The following TBC1D19 variants were observed in gnomAD, a reference collection of about 807,000 sequenced individuals.
TBC1D19 encodes TBC1 domain family member 19.
In TBC1D19, 60 loss-of-function variants were observed where a neutral mutation model predicts 89.0. That is an observed-to-expected ratio of 0.67 (90% CI 0.55 to 0.84). The LOEUF (loss-of-function observed/expected upper bound fraction) is 0.84. Among genes scored for constraint, TBC1D19 ranks in the 40% least tolerant of loss-of-function variants. The pLI, the probability that TBC1D19 is intolerant of heterozygous loss-of-function variation, is 0.00. For synonymous variants in TBC1D19, 189 were observed against 199.7 expected (o/e 0.95, Z 0.45); for missense variants, 500 against 610.8 (o/e 0.82, Z 1.91).
chr4:26,628,915 A>G (rs10026536), intron 4 of TBC1D19, among the ~76,000 whole-genome samples: 2 of 151,896 alleles, frequency 1.3e-5, no homozygotes, highest in Non-Finnish European at 2.9e-5. Flanking sequence ...AATCAATATC[A>G]TGAAAATGGC....
the TBC1D19 span, among the ~76,000 whole-genome samples, chr4:26,782,672 C>T: frequency 3.9e-5 from 6 of 151,936 alleles, no homozygotes; most frequent in African/African-American, 1.5e-4. Context: ...GCCAGTGTTT[C>T]TAGTGACTAA....
At chr4:26,617,572 T>C (rs1741773645) in intron 3 of TBC1D19, among the ~76,000 whole-genome samples, 1 of 152,232 alleles carries the variant, frequency 6.6e-6, no homozygotes, top group African/African-American at 2.4e-5. Context: ...TGACATTGAG[T>C]CAGCAAATAG....
chr4:26,765,448 TA>T, the TBC1D19 span, among the ~76,000 whole-genome samples: 2 of 92,186 alleles, frequency 2.2e-5, no homozygotes, highest in Non-Finnish European at 2.1e-5. Flanking sequence ...TCCAAAGAGG[TA>T]GGGGGGGATG....
chr4:26,634,469 TACTC>T (rs1346565417), intron 4 of TBC1D19, among the ~76,000 whole-genome samples: 1 of 152,088 alleles, frequency 6.6e-6, no homozygotes, highest in Non-Finnish European at 1.5e-5. Context: ...TTCAAGCAGA[TACTC>T]ACAGCACTTG....
chr4:26,772,271 A>C, the TBC1D19 span, among the ~76,000 whole-genome samples: 1 of 152,070 alleles, frequency 6.6e-6, no homozygotes, highest in Non-Finnish European at 1.5e-5. Flanking sequence ...CGCAGGTCTC[A>C]AGGGAGGAAG....
chr4:26,642,297 T>G (rs1487314221), intron 7 of TBC1D19, among the ~76,000 whole-genome samples: 4 of 152,154 alleles, frequency 2.6e-5, no homozygotes, highest in African/African-American at 9.7e-5. Flanking sequence ...AGAAAAGAAT[T>G]TTCAACCCAG....
At chr4:26,625,192 G>A (rs1433394221) in intron 4 of TBC1D19, among the ~76,000 whole-genome samples, 1 of 151,818 alleles carries the variant, frequency 6.6e-6, no homozygotes, top group East Asian at 1.9e-4. Flanking sequence ...TAATTTTCTG[G>A]GCTCATGAGG....
At chr4:26,621,485 G>C (rs1742043549) in intron 4 of TBC1D19, among the ~76,000 whole-genome samples, 1 of 152,140 alleles carries the variant, frequency 6.6e-6, no homozygotes, top group African/African-American at 2.4e-5. Context: ...TATTTCAAAG[G>C]TACCTCAAAG....
At chr4:26,583,864 C>A, upstream of TBC1D19, 1 of 315,396 alleles carries the variant, frequency 3.2e-6, no homozygotes, top group South Asian at 3.5e-5. Context: ...TTCTCCGTGT[C>A]CCCCTTGTGC....
downstream of TBC1D19, among the ~76,000 whole-genome samples, chr4:26,760,454 T>C (rs550505901): frequency 1.3e-5 from 2 of 152,174 alleles, no homozygotes; most frequent in South Asian, 4.1e-4. Flanking sequence ...TAGTTTCAGC[T>C]ACTGGTGGGA....
chr4:26,724,490 T>C (rs1235864140), intron 15 of TBC1D19, among the ~76,000 whole-genome samples: 1 of 152,144 alleles, frequency 6.6e-6, no homozygotes, highest in Non-Finnish European at 1.5e-5. Context: ...TTTCTAAATA[T>C]TTTTATAAAG....
rs146922465 is a variant in TBC1D19 at position 26,588,976 on chromosome 4, T to C, written c.99+4684T>C. Among the ~76,000 whole-genome samples, 669 of 152,210 alleles carry C rather than the reference T, an allele frequency of 4.4e-3. 17 individuals are homozygous for C. Among genetic ancestry groups the C allele is most frequent in the Admixed American group, 0.039 (595 of 15,276 alleles). On this transcript the variant is annotated intron_variant, in intron 1 of 20. Transcript: ENST00000264866. Reference sequence around the variant, plus strand: ...AAGCTGGGTTTGGGTTTTGTTATTGTTGTCATTACCTTCAGTATATCACAG... The same window carrying C: ...AAGCTGGGTTTGGGTTTTGTTATTGCTGTCATTACCTTCAGTATATCACAG...
intron 15 of TBC1D19, among the ~76,000 whole-genome samples, chr4:26,731,709 C>T (rs1192436649): frequency 2.0e-5 from 3 of 152,128 alleles, no homozygotes; most frequent in Non-Finnish European, 4.4e-5. Flanking sequence ...TCACAAAAAA[C>T]TGAGCAGCAA....
intron 7 of TBC1D19, among the ~76,000 whole-genome samples, chr4:26,656,987 T>TCTCCTTCTCCTTCTCCTTCTCCTTCTC (rs59399936): frequency 0.015 from 263 of 17,768 alleles, 14 homozygotes; most frequent in African/African-American, 0.029. Context: ...TTCTTCTTCT[T>TCTCCTTCTCCTTCTCCTTCTCCTTCTC]CTTCTCCTTC....
At chr4:26,817,447 T>C in the TBC1D19 span, among the ~76,000 whole-genome samples, 4 of 152,184 alleles carry the variant, frequency 2.6e-5, no homozygotes, top group Non-Finnish European at 4.4e-5. Flanking sequence ...CTTGCCCACT[T>C]GGTAGTTGCG....
chr4:26,610,992 G>A lies in TBC1D19; in HGVS notation c.100-2177G>A, dbSNP rs562969736. On this transcript the variant is annotated intron_variant, in intron 1 of 20. Transcript: ENST00000264866. ...ATTGGGATTGCTGGGTCAAATGGTA[G>A]TTCTGTTTTAAGTTCTTTGAGAAAT... Among the ~76,000 whole-genome samples the A allele has an allele frequency of 5.9e-5, 9 of 152,208 alleles. No homozygotes were observed. The East Asian group carries it at 1.5e-3, about 26-fold the overall frequency.
chr4:26,581,974 C>CTT (rs763498376), upstream of TBC1D19, among the ~76,000 whole-genome samples: 4 of 141,922 alleles, frequency 2.8e-5, no homozygotes, highest in African/African-American at 7.7e-5. Flanking sequence ...GATTAAGGGA[C>CTT]TTTTTTTTTT....
In TBC1D19 at chr4:26,594,805, C is replaced by G. The variant is rs559560250; in HGVS notation, c.99+10513C>G. On this transcript the variant is annotated intron_variant, in intron 1 of 20. Transcript: ENST00000264866. ...TATCCTCCTCAACCCCTCGGTCTCT[C>G]TGATTCCCTAAAAAATCCCGCTACA... Among the ~76,000 whole-genome samples, 12 of 152,318 alleles carry G rather than the reference C, an allele frequency of 7.9e-5. No individual in the cohort carries two copies. In the East Asian group the frequency reaches 2.3e-3, roughly 29 times the overall value.
At chr4:26,731,803 T>A (rs1342550459) in intron 15 of TBC1D19, among the ~76,000 whole-genome samples, 1 of 152,034 alleles carries the variant, frequency 6.6e-6, no homozygotes. Flanking sequence ...GGCCATTAAG[T>A]ACAGCATACA....
Sources: allele counts gnomAD v4.1 joint callset (sites outside exome capture counted in the v4.1 genomes callset), GRCh38; gene constraint gnomAD v4.1.1; transcripts MANE v1.5; gene names NCBI Gene and HGNC (gene_info 2026-07-23, HGNC 2026-07-21).